The following ZNF454 variants were observed in gnomAD, a reference collection of about 807,000 sequenced individuals.
ZNF454 encodes the protein zinc finger protein 454.
In ZNF454, 30 loss-of-function variants were observed where a neutral mutation model predicts 48.2. The observed-to-expected ratio is 0.62, with a 90% CI of 0.47 to 0.84. The LOEUF (loss-of-function observed/expected upper bound fraction) is 0.84. ZNF454 is among the 40% of genes least tolerant of loss of function. The pLI is 0.00. For missense variants in ZNF454, 510 were observed against 623.1 expected, an observed-to-expected ratio of 0.82 and a Z score of 1.93; for synonymous variants, 204 against 211.4, an observed-to-expected ratio of 0.97 and a Z score of 0.30.
the ZNF454 span, chr5:178,987,074 G>A: frequency 7.5e-7 from 1 of 1,340,530 alleles, no homozygotes; most frequent in Non-Finnish European, 1.0e-6. Flanking sequence ...GAGAAAGGAG[G>A]AGCTTAACAA....
the ZNF454 span, chr5:178,980,087 A>C: frequency 6.5e-6 from 1 of 154,390 alleles, no homozygotes; most frequent in South Asian, 2.0e-4. This position sits in a 1 kb window ranked among gnomAD's most constrained non-coding sequence, Gnocchi z 4.3. Context: ...CTTTTAAGTT[A>C]ATTACTTAAA....
the ZNF454 span, chr5:178,986,136 G>A: frequency 1.2e-6 from 2 of 1,613,532 alleles, no homozygotes; most frequent in Non-Finnish European, 8.5e-7. Flanking sequence ...CCACCTGCAG[G>A]GAGGTGAGGC....
At chr5:178,988,059 C>A in the ZNF454 span, among the ~76,000 whole-genome samples, 1 of 152,010 alleles carries the variant, frequency 6.6e-6, no homozygotes, top group African/African-American at 2.4e-5. The surrounding 1 kb of genome is among the most constrained non-coding windows in gnomAD (Gnocchi z 6.0). Context: ...TGCGCCCAGA[C>A]TGAATGTATT....
chr5:178,973,632 A>C, the ZNF454 span, among the ~76,000 whole-genome samples: 1 of 152,180 alleles, frequency 6.6e-6, no homozygotes, highest in Non-Finnish European at 1.5e-5. Flanking sequence ...TCACAAGGTC[A>C]GGAGATTGAG....
At chr5:178,952,259 G>A (rs1035785072) in intron 4 of ZNF454, among the ~76,000 whole-genome samples, 6 of 152,198 alleles carry the variant, frequency 3.9e-5, no homozygotes, top group East Asian at 1.9e-4. Context: ...GGATGGTCTC[G>A]ATCTCCTGAC....
At chr5:178,968,671 G>A, downstream of ZNF454, 1 of 421,204 alleles carries the variant, frequency 2.4e-6, no homozygotes, top group Non-Finnish European at 4.8e-6. Flanking sequence ...CACTGCTACA[G>A]ATGTCTGTCT....
At position 178,965,634 on chromosome 5, in the gene ZNF454, A is replaced by G. The variant is rs1760124479; in HGVS notation, c.1230A>G (p.Lys410=). The change falls in exon 5 of 5, where the codon AAA becomes AAG. Residue 410 remains lysine, a synonymous_variant. Coordinates refer to ENST00000519564, the MANE Select transcript of ZNF454 (RefSeq NM_001178089.3). The surrounding 1 kb of genome is among the most constrained non-coding windows in gnomAD (Gnocchi z 5.2). ...ARHRKIHTGE[K]PYRCGLCEKA... ...ATCGGAAAATTCACACTGGAGAGAA[A>G]CCTTACAGATGTGGCTTGTGTGAGA... 1 of 1,614,154 alleles carries G rather than the reference A, an allele frequency of 6.2e-7. No homozygotes were observed.
chr5:178,972,786 G>A, the ZNF454 span, among the ~76,000 whole-genome samples: 1 of 152,224 alleles, frequency 6.6e-6, no homozygotes, highest in Admixed American at 6.5e-5. Flanking sequence ...GGGGGAAGAT[G>A]TGGGGGAAGG....
the ZNF454 span, among the ~76,000 whole-genome samples, chr5:178,984,753 C>T: frequency 5.9e-5 from 9 of 152,174 alleles, no homozygotes; most frequent in Non-Finnish European, 1.3e-4. Flanking sequence ...TCACGGAGAA[C>T]TGCATGACCC....
At chr5:178,967,742 C>CTTTTTT (rs10694687), downstream of ZNF454, among the ~76,000 whole-genome samples, 11 of 129,506 alleles carry the variant, frequency 8.5e-5, no homozygotes, top group South Asian at 7.6e-4. Flanking sequence ...TTTTCTTTTT[C>CTTTTTT]TTTTTTTTTT....
At chr5:178,943,540 T>C (rs1759195649) in intron 2 of ZNF454, among the ~76,000 whole-genome samples, 1 of 152,140 alleles carries the variant, frequency 6.6e-6, no homozygotes, top group African/African-American at 2.4e-5. Flanking sequence ...ATCCAAACTA[T>C]ATCAGGGCAG....
chr5:178,956,583 T>C (rs1016466637), intron 4 of ZNF454, among the ~76,000 whole-genome samples: 2 of 150,700 alleles, frequency 1.3e-5, no homozygotes, highest in Non-Finnish European at 2.9e-5. Flanking sequence ...ATCCCCCAGT[T>C]CCCTTGAGTT....
the ZNF454 span, among the ~76,000 whole-genome samples, chr5:178,983,891 C>G: frequency 6.6e-6 from 1 of 152,226 alleles, no homozygotes; most frequent in Non-Finnish European, 1.5e-5. Context: ...CACGTTCGTG[C>G]TGGTTGTTCA....
chr5:178,985,402 CT>C, the ZNF454 span: 4 of 329,120 alleles, frequency 1.2e-5, no homozygotes, highest in South Asian at 6.3e-5. Flanking sequence ...TTCCTGTGGC[CT>C]TAAAAAAAAA....
At chr5:178,971,332 G>C (rs1311672670), downstream of ZNF454, among the ~76,000 whole-genome samples, 4 of 152,138 alleles carry the variant, frequency 2.6e-5, no homozygotes, top group African/African-American at 9.7e-5. Flanking sequence ...GGAAAGGCAA[G>C]GCAGGGTGGG....
At chr5:178,985,582 A>C in the ZNF454 span, 4 of 345,822 alleles carry the variant, frequency 1.2e-5, no homozygotes, top group African/African-American at 2.2e-5. Context: ...GGGCGCCTGT[A>C]GTCCCAGCTA....
chr5:178,971,850 G>A, the ZNF454 span, among the ~76,000 whole-genome samples: 3 of 141,488 alleles, frequency 2.1e-5, no homozygotes, highest in Non-Finnish European at 3.0e-5. Context: ...GACTCCATCT[G>A]AAAAAAAAAA....
chr5:178,960,079 A>G (rs983246267), intron 4 of ZNF454, among the ~76,000 whole-genome samples: 2 of 150,192 alleles, frequency 1.3e-5, no homozygotes, highest in African/African-American at 4.9e-5. Flanking sequence ...CCTCCTGAGT[A>G]GCTGGGACTA....
At position 178,944,238 on chromosome 5, in the gene ZNF454, CCCT is replaced by C. The variant is rs1759227442; in HGVS notation, c.33+1422_33+1424del. Among the ~76,000 whole-genome samples the C allele has an allele frequency of 6.6e-6, 1 of 152,120 alleles. No individual in the cohort carries two copies. The highest frequency in any genetic ancestry group is 6.5e-5 in the Admixed American group (1 of 15,274). ...ACATAGCACAGCTCACCGGCTGTTC[CCCT>C]CCTCCTCTTGGCTTCTGACTTGTCA... On this transcript the variant is annotated intron_variant, in intron 2 of 4. Transcript: ENST00000519564. The surrounding 1 kb of genome is among the most constrained non-coding windows in gnomAD (Gnocchi z 4.1).
Sources: allele counts gnomAD v4.1 joint callset (sites outside exome capture counted in the v4.1 genomes callset), GRCh38; gene constraint gnomAD v4.1.1; non-coding constraint Gnocchi (gnomAD v3.1); transcripts MANE v1.5; gene names NCBI Gene and HGNC (gene_info 2026-07-23, HGNC 2026-07-21).